Variants in DLG2 observed in about 807,000 individuals in gnomAD.
DLG2 encodes disks large homolog 2.
Under a neutral mutation model 132.5 loss-of-function variants are expected in DLG2, and 45 were observed. That is an observed-to-expected ratio of 0.34 (90% CI 0.27 to 0.44). The LOEUF is 0.44. Ranked by LOEUF, DLG2 falls within the 20% of genes least tolerant of loss-of-function variation. DLG2 has a pLI of 1.00. For synonymous variants in DLG2, 424 were observed against 419.6 expected, an observed-to-expected ratio of 1.01 and a Z score of -0.13; for missense variants, 1,045 against 1,196.9, an observed-to-expected ratio of 0.87 and a Z score of 1.87.
chr11:84,812,569 G>C (rs553627935), intron 6 of DLG2, among the ~76,000 whole-genome samples: 166 of 152,226 alleles, frequency 1.1e-3, no homozygotes, highest in African/African-American at 3.9e-3. Context: ...ATAGCAGTCA[G>C]CTTAAGTGCA....
At chr11:84,060,672 T>C (rs2096577512) in intron 10 of DLG2, among the ~76,000 whole-genome samples, 1 of 152,152 alleles carries the variant, frequency 6.6e-6, no homozygotes, top group African/African-American at 2.4e-5. Flanking sequence ...GTGATAACAT[T>C]AATAATGGTT....
intron 6 of DLG2, among the ~76,000 whole-genome samples, chr11:84,953,062 T>A (rs922252355): frequency 2.6e-5 from 4 of 152,196 alleles, no homozygotes; most frequent in Admixed American, 6.5e-5. Context: ...CTTCATTTTT[T>A]AAAACCTGGT....
intron 8 of DLG2, among the ~76,000 whole-genome samples, chr11:84,172,198 G>T (rs2095840531): frequency 6.6e-6 from 1 of 152,060 alleles, no homozygotes; most frequent in Non-Finnish European, 1.5e-5. Context: ...TATACATCTG[G>T]TTATTTTATG....
At chr11:84,427,696 A>G (rs1304067167) in intron 7 of DLG2, among the ~76,000 whole-genome samples, 1 of 152,080 alleles carries the variant, frequency 6.6e-6, no homozygotes, top group African/African-American at 2.4e-5. Context: ...TAACCCCAAT[A>G]TACTTTTTTT....
chr11:85,141,417 T>C (rs1291627366), intron 5 of DLG2, among the ~76,000 whole-genome samples: 2 of 151,914 alleles, frequency 1.3e-5, no homozygotes, highest in African/African-American at 4.8e-5. Context: ...TCAGATTATT[T>C]GTTTTTTTTC....
At chr11:83,722,978 A>G (rs1268786183) in intron 18 of DLG2, among the ~76,000 whole-genome samples, 1 of 152,194 alleles carries the variant, frequency 6.6e-6, no homozygotes, top group Non-Finnish European at 1.5e-5. Context: ...TATGGCCCCT[A>G]CCAGAAAGAT....
chr11:84,339,455 G>T (rs2098504029), intron 7 of DLG2, among the ~76,000 whole-genome samples: 1 of 152,136 alleles, frequency 6.6e-6, no homozygotes, highest in African/African-American at 2.4e-5. Flanking sequence ...TTCAACAAAT[G>T]CTTATTGGTA....
intron 6 of DLG2, among the ~76,000 whole-genome samples, chr11:84,832,653 T>A (rs1460118407): frequency 6.6e-6 from 1 of 151,640 alleles, no homozygotes; most frequent in Non-Finnish European, 1.5e-5. Flanking sequence ...CATTATGGGA[T>A]CAGTGACATA....
chr11:85,027,845 T>C (rs544125195), intron 6 of DLG2, among the ~76,000 whole-genome samples: 179 of 152,332 alleles, frequency 1.2e-3, no homozygotes, highest in African/African-American at 4.2e-3. Flanking sequence ...CTGGGATCCC[T>C]GAAGGGCTGC....
At chr11:83,944,655 A>T (rs988109458) in intron 14 of DLG2, among the ~76,000 whole-genome samples, 4 of 152,210 alleles carry the variant, frequency 2.6e-5, no homozygotes, top group African/African-American at 9.6e-5. Context: ...TATCTAACCA[A>T]TCCGGAATAG....
chr11:85,302,957 T>C (rs1009750264), intron 3 of DLG2, among the ~76,000 whole-genome samples: 1 of 152,202 alleles, frequency 6.6e-6, no homozygotes, highest in Non-Finnish European at 1.5e-5. Context: ...ATTTCACAAA[T>C]AGGAAAATTG....
At chr11:85,487,806 G>C (rs1231091774) in intron 3 of DLG2, among the ~76,000 whole-genome samples, 1 of 152,146 alleles carries the variant, frequency 6.6e-6, no homozygotes, top group Non-Finnish European at 1.5e-5. Flanking sequence ...AGATACAGGA[G>C]GCTCAGTGAT....
chr11:84,438,721 G>A (rs186241265), intron 7 of DLG2, among the ~76,000 whole-genome samples: 2 of 152,166 alleles, frequency 1.3e-5, no homozygotes, highest in African/African-American at 4.8e-5. Flanking sequence ...TGAGAGATAA[G>A]GTTTTAGCCC....
At chr11:84,083,501 A>G (rs2096932020) in intron 10 of DLG2, among the ~76,000 whole-genome samples, 1 of 152,228 alleles carries the variant, frequency 6.6e-6, no homozygotes, top group African/African-American at 2.4e-5. Context: ...TCCCAATGCA[A>G]CAGTGTTGGG....
intron 3 of DLG2, among the ~76,000 whole-genome samples, chr11:85,287,729 A>C (rs2078646896): frequency 6.6e-6 from 1 of 152,156 alleles, no homozygotes; most frequent in South Asian, 2.1e-4. Context: ...CAAACATTAG[A>C]AACATTCCAA....
intron 6 of DLG2, among the ~76,000 whole-genome samples, chr11:84,702,830 T>A (rs1289397774): frequency 6.6e-6 from 1 of 151,712 alleles, no homozygotes. Flanking sequence ...AGGGACTACA[T>A]CTATTTTCTT....
intron 6 of DLG2, among the ~76,000 whole-genome samples, chr11:84,635,453 T>C (rs2099639063): frequency 6.6e-6 from 1 of 152,176 alleles, no homozygotes; most frequent in Admixed American, 6.5e-5. Context: ...AGCTAAAGCA[T>C]TTAGAACTTT....
chr11:85,585,179 TACGATGAGAGATGAGG>T (rs1206664785), intron 3 of DLG2, among the ~76,000 whole-genome samples: 2 of 152,196 alleles, frequency 1.3e-5, no homozygotes, highest in Non-Finnish European at 2.9e-5. Flanking sequence ...GATTTTTATA[TACGATGAGAGATGAGG>T]ATCCAGTTTC....
intron 6 of DLG2, among the ~76,000 whole-genome samples, chr11:84,853,376 G>A (rs1327928071): frequency 3.3e-5 from 5 of 151,924 alleles, no homozygotes; most frequent in Non-Finnish European, 7.4e-5. Flanking sequence ...GGGAACTGGT[G>A]GACTGCCCAA....
Sources: allele counts gnomAD v4.1 joint callset (sites outside exome capture counted in the v4.1 genomes callset), GRCh38; gene constraint gnomAD v4.1.1; transcripts MANE v1.5; gene names NCBI Gene and HGNC (gene_info 2026-07-23, HGNC 2026-07-21).